Variants in TNRC6B observed in about 807,000 individuals in gnomAD.
TNRC6B encodes trinucleotide repeat containing adaptor 6B.
TNRC6B carries 52 observed loss-of-function variants against 203.6 expected under a neutral mutation model. That is an observed-to-expected ratio of 0.26 (90% CI 0.20 to 0.32). The LOEUF (loss-of-function observed/expected upper bound fraction) is 0.32, where lower values mean the gene tolerates loss of function less well. TNRC6B is among the 10% of genes least tolerant of loss of function. TNRC6B has a pLI of 1.00. For missense variants in TNRC6B, 1,923 were observed against 2,286.2 expected, an observed-to-expected ratio of 0.84 and a Z score of 3.24; for synonymous variants, 838 against 845.7, an observed-to-expected ratio of 0.99 and a Z score of 0.16.
intron 1 of TNRC6B, among the ~76,000 whole-genome samples, chr22:40,068,379 G>A (rs868342951): frequency 3.3e-5 from 5 of 151,976 alleles, no homozygotes; most frequent in Middle Eastern, 6.8e-3. Flanking sequence ...GTGCAGTGGC[G>A]CAATCTCGGG....
chr22:40,077,266 G>T (rs1412680881), intron 1 of TNRC6B, among the ~76,000 whole-genome samples: 1 of 152,102 alleles, frequency 6.6e-6, no homozygotes, highest in African/African-American at 2.4e-5. Flanking sequence ...GGTCTGCAAA[G>T]TGCCCACGAG....
Position 40,261,741 on chromosome 22 carries a change from T to C in TNRC6B, c.116-91T>C. ...ATGGGCAACATGGCAAGACCCCATC[T>C]CTAAATAAAATAATAAAATTATTTT... On this transcript the variant is annotated intron_variant, in intron 3 of 22. Coordinates refer to ENST00000454349, the MANE Select transcript of TNRC6B (RefSeq NM_001162501.2). 2.6e-6 allele frequency: 3 copies of C among 1,152,262 alleles called. No homozygotes were observed. In the South Asian group the frequency reaches 8.1e-5, roughly 31 times the overall value. 71.4% of individuals were successfully genotyped at this position (1,152,262 alleles called of 1,614,324 possible).
At chr22:40,047,837 T>G (rs967133860) in intron 1 of TNRC6B, among the ~76,000 whole-genome samples, 2 of 152,252 alleles carry the variant, frequency 1.3e-5, no homozygotes, top group Non-Finnish European at 2.9e-5. Context: ...TTACTCATTT[T>G]TCTATCCAGC....
At chr22:40,047,841 A>G (rs2067704549) in intron 1 of TNRC6B, among the ~76,000 whole-genome samples, 1 of 152,206 alleles carries the variant, frequency 6.6e-6, no homozygotes, top group South Asian at 2.1e-4. Flanking sequence ...TCATTTTTCT[A>G]TCCAGCACAG....
At chr22:40,049,634 C>T (rs7290536) in intron 1 of TNRC6B, among the ~76,000 whole-genome samples, 7,099 of 152,192 alleles carry the variant, frequency 0.047, 503 homozygotes, top group African/African-American at 0.15. Flanking sequence ...GATGGAGTCT[C>T]GCTCTGTCGC....
At chr22:40,268,999 A>G (rs2070520044) in intron 5 of TNRC6B, among the ~76,000 whole-genome samples, 2 of 151,502 alleles carry the variant, frequency 1.3e-5, no homozygotes, top group African/African-American at 4.8e-5. Context: ...TTTGTGTCCC[A>G]TTCAAAAATT....
chr22:40,266,026 A>G lies in TNRC6B; in HGVS notation c.1796A>G (p.Asp599Gly). The G allele has an allele frequency of 1.2e-6, 2 of 1,613,778 alleles. No homozygotes were observed. The highest frequency in any genetic ancestry group is 8.5e-7 in the Non-Finnish European group (1 of 1,179,898). Residue 599 changes from aspartate (D) to glycine (G), a missense_variant, in exon 5 of 23, where the codon GAT becomes GGT. By Grantham distance (94) the Asp-to-Gly change is moderately conservative. This residue lies in a region of TNRC6B where 614 missense variants were observed against 587.7 expected (regional missense o/e 1.04). Coordinates refer to ENST00000454349, the MANE Select transcript of TNRC6B (RefSeq NM_001162501.2). ...CGGTCGTACAGGCCCACACATCCTG[A>G]TTGTCAGGCTGTCTTGCAGACTCTT... ...GRRSYRPTHP[D>G]CQAVLQTLLS...
chr22:40,125,810 CTG>C (rs1173401271), exon 3 of TNRC6B: 1 of 1,610,878 alleles, frequency 6.2e-7, no homozygotes, highest in African/African-American at 1.3e-5. Context: ...TGCACAAAAT[CTG>C]TTCCCATGCA....
chr22:40,273,020 A>G (rs1601478183), intron 6 of TNRC6B, among the ~76,000 whole-genome samples: 2 of 152,366 alleles, frequency 1.3e-5, no homozygotes, highest in African/African-American at 4.8e-5. Flanking sequence ...TCCATTGTAT[A>G]TAAAGTACAT....
At position 40,265,993 on chromosome 22, in the gene TNRC6B, C is replaced by G. The variant is rs2070473583; in HGVS notation, c.1763C>G (p.Ser588Cys). ...GCAGGAAGTAGTGACAGTCATAACT[C>G]TGGCCGTCGGTCGTACAGGCCCACA... ...HKAGSSDSHN[S>C]GRRSYRPTHP... The change falls in exon 5 of 23, where the codon TCT becomes TGT. Residue 588 changes from serine (S) to cysteine (C), a missense_variant. This residue lies in a region of TNRC6B where 614 missense variants were observed against 587.7 expected (regional missense o/e 1.04). Transcript: ENST00000454349. 3.1e-6 allele frequency: 5 copies of G among 1,613,920 alleles called. No homozygotes were observed. Among genetic ancestry groups the G allele is most frequent in the African/African-American group, 1.3e-5 (1 of 75,050 alleles).
chr22:40,264,467 C>T (rs754623393), intron 4 of TNRC6B, among the ~76,000 whole-genome samples: 1 of 152,002 alleles, frequency 6.6e-6, no homozygotes, highest in African/African-American at 2.4e-5. Flanking sequence ...TGGCAAAGGA[C>T]GTAGCTTTGA....
At position 40,265,821 on chromosome 22, in the gene TNRC6B, C is replaced by T. The variant is rs1488708606; in HGVS notation, c.1591C>T (p.Pro531Ser). ...TGGAGAATGGAGTGGTCCAAACCAACCAAATTCTAGCACTGGAGCATGGGA... is the reference window on the plus strand; with the variant it reads ...TGGAGAATGGAGTGGTCCAAACCAATCAAATTCTAGCACTGGAGCATGGGA... ...KIGEWSGPNQ[P>S]NSSTGAWDNQ... The change falls in exon 5 of 23, where the codon CCA (proline) becomes TCA (serine). Residue 531 changes from proline (P) to serine (S), a missense_variant. This residue lies in a region of TNRC6B where 614 missense variants were observed against 587.7 expected (regional missense o/e 1.04). Transcript: ENST00000454349. 6.2e-7 allele frequency: 1 copy of T among 1,613,848 alleles called. No homozygotes were observed. The highest frequency in any genetic ancestry group is 8.5e-7 in the Non-Finnish European group (1 of 1,179,896).
intron 1 of TNRC6B, among the ~76,000 whole-genome samples, chr22:40,074,779 C>A (rs59893769): frequency 0.045 from 6,424 of 142,652 alleles, 418 homozygotes; most frequent in African/African-American, 0.15. Context: ...ACTCCGTCTC[C>A]AAAAAAAAAA....
intron 6 of TNRC6B, 108 bp downstream of exon 6, chr22:40,270,388 C>T (rs907157235): frequency 5.0e-5 from 55 of 1,090,866 alleles, no homozygotes; most frequent in African/African-American, 2.2e-4. Flanking sequence ...GGTGCAATTT[C>T]GGCTCACTGC....
intron 5 of TNRC6B, 31 bp from the exon 6 acceptor site, chr22:40,270,091 T>C: frequency 6.4e-7 from 1 of 1,563,618 alleles, no homozygotes. Context: ...ATTTAACAAA[T>C]GATTCTTAGA....
chr22:40,277,823 A>T (rs190834214), intron 8 of TNRC6B, among the ~76,000 whole-genome samples, 176 bp from the exon 9 acceptor site: 2 of 152,378 alleles, frequency 1.3e-5, no homozygotes, highest in Non-Finnish European at 2.9e-5. Context: ...ATATAGGCCC[A>T]AACAGCAATC....
At chr22:40,287,496 G>A (rs12330123) in intron 12 of TNRC6B, among the ~76,000 whole-genome samples, 2,696 of 152,236 alleles carry the variant, frequency 0.018, 35 homozygotes, top group Middle Eastern at 0.041. Flanking sequence ...CCAAGGTCTT[G>A]CCTGGGAGTC....
chr22:40,158,426 C>A (rs2068838416), intron 4 of TNRC6B, among the ~76,000 whole-genome samples: 1 of 151,604 alleles, frequency 6.6e-6, no homozygotes, highest in South Asian at 2.1e-4. Flanking sequence ...ATGGCATAAG[C>A]CTATTTTTAA....
rs1055636242 is a variant in TNRC6B at position 40,266,271 on chromosome 22, G to A, written c.2041G>A (p.Gly681Arg). ...AAGCAATCAAATGAAGTCTGGATGGGGGGAGCTCTCAGCCTCTACAGAGTG... is the reference window on the plus strand; with the variant it reads ...AAGCAATCAAATGAAGTCTGGATGGAGGGAGCTCTCAGCCTCTACAGAGTG... ...SQSNQMKSGW[G>R]ELSASTEWKD... The change falls in exon 5 of 23, where the codon GGG (glycine) becomes AGG (arginine). Residue 681 changes from glycine (G) to arginine (R), a missense_variant. Gly to Arg is a moderately radical substitution (Grantham distance 125, BLOSUM62 -2). Transcript: ENST00000454349. The A allele has an allele frequency of 1.8e-5, 29 of 1,593,314 alleles. No individual in the cohort carries two copies. The highest frequency in any genetic ancestry group is 2.5e-5 in the Non-Finnish European group (29 of 1,169,648).
Sources: gnomAD v4.1 joint callset for allele counts (sites outside exome capture counted in the v4.1 genomes callset) on GRCh38, gnomAD v4.1.1 for gene constraint, gnomAD v4.1.1 regional missense constraint, MANE v1.5 for transcripts, NCBI Gene and HGNC (gene_info 2026-07-23, HGNC 2026-07-21) for gene names.